IGSF21: variants seen among roughly 807,000 people sequenced by gnomAD.
The protein encoded by IGSF21 is immunoglobin superfamily member 21, also known as immunoglobulin superfamily member 21.
A neutral mutation model predicts 46.8 loss-of-function variants in IGSF21; 28 were observed. The ratio of observed to expected loss-of-function variants is 0.60; its 90% CI spans 0.44 to 0.82. The LOEUF is 0.82. Among genes scored for constraint, IGSF21 ranks in the 40% least tolerant of loss-of-function variants. The pLI, the probability that IGSF21 is intolerant of heterozygous loss-of-function variation, is 0.00. For missense variants in IGSF21, 624 were observed against 665.5 expected (o/e 0.94, Z 0.69); for synonymous variants, 284 against 273.6 (o/e 1.04, Z -0.38).
intron 1 of IGSF21, among the ~76,000 whole-genome samples, chr1:18,145,455 G>A (rs573728879): frequency 6.6e-5 from 10 of 152,114 alleles, no homozygotes; most frequent in Admixed American, 5.9e-4. Context: ...CCCAGTGCCC[G>A]AGAGCCCCCA....
At chr1:18,265,509 T>C (rs1212159459) in intron 2 of IGSF21, among the ~76,000 whole-genome samples, 1 of 152,182 alleles carries the variant, frequency 6.6e-6, no homozygotes, top group Non-Finnish European at 1.5e-5. Context: ...CCCCTGTACA[T>C]AAATCCAGCT....
intron 1 of IGSF21, among the ~76,000 whole-genome samples, chr1:18,225,068 C>T (rs1488839002): frequency 3.0e-5 from 1 of 33,440 alleles, no homozygotes; most frequent in Non-Finnish European, 6.3e-5. Flanking sequence ...CTGTATCTCT[C>T]TCTCTCTCTC....
intron 4 of IGSF21, among the ~76,000 whole-genome samples, chr1:18,346,191 G>A (rs1026979859): frequency 1.3e-5 from 2 of 152,174 alleles, no homozygotes; most frequent in Admixed American, 6.5e-5. Flanking sequence ...CTCAAAGCCA[G>A]GCAGTGACAT....
chr1:18,133,394 T>C lies in IGSF21; in HGVS notation c.70+25196T>C, dbSNP rs1428155282. On this transcript the variant is annotated intron_variant, in intron 1 of 9. Coordinates refer to ENST00000251296, the MANE Select transcript of IGSF21 (RefSeq NM_032880.5). ...CAGAGTGGCTGGGTCTGCACTCGGC[T>C]TCACTACACAGCCGCTGTGTGGCCC... is the stretch of plus-strand genomic sequence containing the variant. Among the ~76,000 whole-genome samples, 14 of 152,328 alleles carry C rather than the reference T, an allele frequency of 9.2e-5. No individual in the cohort carries two copies. In the East Asian group the frequency reaches 2.7e-3, roughly 29 times the overall value.
At chr1:18,243,600 A>AT (rs796562223) in intron 2 of IGSF21, among the ~76,000 whole-genome samples, 9 of 152,204 alleles carry the variant, frequency 5.9e-5, no homozygotes, top group African/African-American at 2.2e-4. Flanking sequence ...CAGTCTTATC[A>AT]TTCCTCAGTT....
intron 6 of IGSF21, among the ~76,000 whole-genome samples, chr1:18,370,386 A>G (rs1366570244): frequency 2.6e-5 from 4 of 152,180 alleles, no homozygotes; most frequent in Admixed American, 2.6e-4. Context: ...TGACCCTGAA[A>G]CAAATGAATA....
chr1:18,373,122 G>A (rs1343104575), intron 6 of IGSF21, among the ~76,000 whole-genome samples: 1 of 152,118 alleles, frequency 6.6e-6, no homozygotes, highest in Admixed American at 6.6e-5. Context: ...CATTTTCAGA[G>A]TATTTCCTCA....
intron 2 of IGSF21, among the ~76,000 whole-genome samples, chr1:18,231,718 A>G (rs2084627297): frequency 6.6e-6 from 1 of 152,192 alleles, no homozygotes; most frequent in Non-Finnish European, 1.5e-5. Flanking sequence ...GATGAAGTAT[A>G]GCACGTTCCC....
At chr1:18,355,829 CTTTTTT>C (rs61589417) in intron 4 of IGSF21, among the ~76,000 whole-genome samples, 59 of 88,988 alleles carry the variant, frequency 6.6e-4, no homozygotes, top group African/African-American at 2.4e-3. Flanking sequence ...TGTCTAGACT[CTTTTTT>C]TTTTTTTTTT....
At position 18,225,085 on chromosome 1, in the gene IGSF21, T is replaced by TCTCTCTCACACACA; in HGVS notation, c.71-2812_71-2811insTCTCTCACACACAC. On this transcript the variant is annotated intron_variant, in intron 1 of 9. Coordinates refer to ENST00000251296, the MANE Select transcript of IGSF21 (RefSeq NM_032880.5). Reference sequence around the variant, plus strand: ...GTATCTCTCTCTCTCTCTCTCTCTCTCACACACACACACACACACACACAC... The same window carrying TCTCTCTCACACACA: ...GTATCTCTCTCTCTCTCTCTCTCTCTCTCTCTCACACACACACACACACACACACACACACACAC... Among the ~76,000 whole-genome samples, 291 of 51,602 alleles carry TCTCTCTCACACACA rather than the reference T, an allele frequency of 5.6e-3. 3 individuals carry two copies. Among genetic ancestry groups the TCTCTCTCACACACA allele is most frequent in the African/African-American group, 0.019 (275 of 14,184 alleles). 33.9% of individuals were successfully genotyped at this position (51,602 alleles called of 152,430 possible).
intron 4 of IGSF21, among the ~76,000 whole-genome samples, chr1:18,338,355 C>T (rs189277842): frequency 2.6e-5 from 4 of 152,322 alleles, no homozygotes; most frequent in Admixed American, 2.6e-4. Context: ...CATTCACACA[C>T]AAAGACCCTC....
chr1:18,341,054 TTCC>T (rs1376629864), intron 4 of IGSF21, among the ~76,000 whole-genome samples: 16 of 83,078 alleles, frequency 1.9e-4, no homozygotes, highest in East Asian at 1.1e-3. Context: ...CCTCTTCCTC[TTCC>T]TCTTCTTCTT....
chr1:18,230,938 C>T (rs2084619633), intron 2 of IGSF21, among the ~76,000 whole-genome samples: 1 of 151,920 alleles, frequency 6.6e-6, no homozygotes, highest in African/African-American at 2.4e-5. Flanking sequence ...CTGCCCCCCT[C>T]CTCCAAGCAG....
At chr1:18,197,301 G>A (rs1382730028) in intron 1 of IGSF21, among the ~76,000 whole-genome samples, 2 of 152,164 alleles carry the variant, frequency 1.3e-5, no homozygotes, top group Non-Finnish European at 2.9e-5. Context: ...CAAGCCTGTG[G>A]GGTGTCTGGA....
intron 2 of IGSF21, among the ~76,000 whole-genome samples, chr1:18,249,690 GAGA>G (rs1406798133): frequency 1.3e-5 from 2 of 152,208 alleles, no homozygotes; most frequent in Non-Finnish European, 2.9e-5. Context: ...CATGCAGCAA[GAGA>G]AGAAGTTTCA....
At position 18,207,261 on chromosome 1, in the gene IGSF21, A is replaced by T. The variant is rs537026182; in HGVS notation, c.71-20637A>T. Among the ~76,000 whole-genome samples the T allele has an allele frequency of 4.6e-5, 7 of 152,242 alleles. No individual in the cohort carries two copies. In the East Asian group the frequency reaches 7.7e-4, roughly 17 times the overall value. ...CATCCCTAGAGGGAGAAAACTTCCC[A>T]CTTTTAAGGGCTCATGTGATGAGAG... On this transcript the variant is annotated intron_variant, in intron 1 of 9. Transcript: ENST00000251296.
intron 1 of IGSF21, among the ~76,000 whole-genome samples, chr1:18,128,976 C>T (rs1028263717): frequency 8.5e-5 from 13 of 152,090 alleles, no homozygotes; most frequent in African/African-American, 3.1e-4. Context: ...TGATGGCTCT[C>T]AAAGCTGGCA....
At chr1:18,241,268 G>A (rs1032348718) in intron 2 of IGSF21, among the ~76,000 whole-genome samples, 7 of 152,166 alleles carry the variant, frequency 4.6e-5, no homozygotes. Flanking sequence ...TTAGGATACA[G>A]ACAAATATCC....
chr1:18,161,877 G>A lies in IGSF21; in HGVS notation c.70+53679G>A, dbSNP rs138088206. On this transcript the variant is annotated intron_variant, in intron 1 of 9. Coordinates refer to ENST00000251296, the MANE Select transcript of IGSF21 (RefSeq NM_032880.5). ...GTTGGAATTCCAGATCCCCTTGGAG[G>A]GCTGTGTGACCTTGGGCAGGGCACT... Among the ~76,000 whole-genome samples, 240 of 152,208 alleles carry A rather than the reference G, an allele frequency of 1.6e-3. 2 individuals are homozygous for A. Among genetic ancestry groups the A allele is most frequent in the Non-Finnish European group, 9.6e-4 (65 of 68,010 alleles).
Sources: gnomAD v4.1 joint callset for allele counts (sites outside exome capture counted in the v4.1 genomes callset) on GRCh38, gnomAD v4.1.1 for gene constraint, MANE v1.5 for transcripts, NCBI Gene and HGNC (gene_info 2026-07-23, HGNC 2026-07-21) for gene names.